Variants in SPATA16 observed in about 807,000 individuals in gnomAD.
SPATA16 encodes spermatogenesis-associated protein 16.
Under a neutral mutation model 63.3 loss-of-function variants are expected in SPATA16, and 36 were observed. That is an observed-to-expected ratio of 0.57 (90% CI 0.44 to 0.75). The LOEUF (loss-of-function observed/expected upper bound fraction) is 0.75, where lower values mean the gene tolerates loss of function less well. SPATA16 is among the 30% of genes least tolerant of loss of function. The probability of loss-of-function intolerance (pLI) is 0.00; values close to 1 mark genes in which losing one functional copy is unlikely to be tolerated. For synonymous variants in SPATA16, 203 were observed against 216.7 expected (o/e 0.94, Z 0.56); for missense variants, 646 against 679.3 (o/e 0.95, Z 0.54).
At chr3:173,043,070 T>C (rs1298558601) in intron 3 of SPATA16, among the ~76,000 whole-genome samples, 1 of 152,122 alleles carries the variant, frequency 6.6e-6, no homozygotes, top group Admixed American at 6.6e-5. Context: ...TTTATATAGA[T>C]AGCATTTAGT....
At chr3:172,930,683 C>T (rs761845309) in intron 6 of SPATA16, among the ~76,000 whole-genome samples, 7 of 151,300 alleles carry the variant, frequency 4.6e-5, no homozygotes, top group Non-Finnish European at 1.0e-4. Flanking sequence ...CTCAGCCTCC[C>T]GAGTAGCTGG....
At chr3:172,996,591 G>A (rs1294630700) in intron 4 of SPATA16, among the ~76,000 whole-genome samples, 3 of 151,922 alleles carry the variant, frequency 2.0e-5, no homozygotes, top group Admixed American at 6.6e-5. Context: ...CAACCTCCCC[G>A]ACTGTCAACA....
At chr3:172,937,983 C>G (rs1014464296) in intron 6 of SPATA16, among the ~76,000 whole-genome samples, 1 of 152,032 alleles carries the variant, frequency 6.6e-6, no homozygotes, top group Non-Finnish European at 1.5e-5. Context: ...GTAAACAGAT[C>G]CCCCTATAAA....
chr3:173,091,567 A>C (rs528555979), intron 2 of SPATA16, among the ~76,000 whole-genome samples: 1 of 152,268 alleles, frequency 6.6e-6, no homozygotes, highest in South Asian at 2.1e-4. Flanking sequence ...TTGTAGCCAA[A>C]AAGTCAACAT....
chr3:172,976,850 C>A (rs1734171100), intron 5 of SPATA16, 118 bp downstream of exon 5: 1 of 801,984 alleles, frequency 1.2e-6, no homozygotes, highest in Non-Finnish European at 2.1e-6. Context: ...TCAGTACCTT[C>A]TTTCTGATTG....
chr3:173,065,178 T>C (rs372795376), intron 2 of SPATA16, among the ~76,000 whole-genome samples: 7 of 152,328 alleles, frequency 4.6e-5, no homozygotes, highest in African/African-American at 1.4e-4. Flanking sequence ...CTGATGCATA[T>C]TGCAGATATT....
intron 6 of SPATA16, among the ~76,000 whole-genome samples, chr3:172,929,395 C>G (rs1732815201): frequency 6.6e-6 from 1 of 152,210 alleles, no homozygotes. Flanking sequence ...GTCAAACTTT[C>G]ACTGAAAGAG....
intron 4 of SPATA16, among the ~76,000 whole-genome samples, chr3:173,018,273 AT>A (rs72021279): frequency 0.072 from 9,867 of 137,542 alleles, 464 homozygotes; most frequent in African/African-American, 0.16. Context: ...CACAATGTCA[AT>A]TTTTTTTTTT....
At chr3:173,130,614 C>T (rs762140296) in intron 1 of SPATA16, among the ~76,000 whole-genome samples, 1 of 152,032 alleles carries the variant, frequency 6.6e-6, no homozygotes, top group Non-Finnish European at 1.5e-5. Flanking sequence ...TATTACAGAA[C>T]CTAGTAGAGA....
At position 173,048,934 on chromosome 3, in the gene SPATA16, A is replaced by G; in HGVS notation, c.758+15T>C. On this transcript the variant is annotated intron_variant, in intron 3 of 10. Coordinates refer to ENST00000351008, the MANE Select transcript of SPATA16 (RefSeq NM_031955.6). ...TGAACAGCATTTACTTGCACTTATT[A>G]GTATATGATTTTACCTGTGTGCATG... 6.2e-7 allele frequency: 1 copy of G among 1,613,472 alleles called. No homozygotes were observed. Among genetic ancestry groups the G allele is most frequent in the Non-Finnish European group, 8.5e-7 (1 of 1,179,476 alleles).
Position 173,029,493 on chromosome 3 carries a change from G to T in SPATA16, c.759-9918C>A, listed in dbSNP as rs1735551142. ...CATAGATCCCAGATGGTGGTGAAAG[G>T]AAGCTCAGGTGACACCTTCACATGC... On this transcript the variant is annotated intron_variant, in intron 3 of 10. Transcript: ENST00000351008. Among the ~76,000 whole-genome samples the T allele has an allele frequency of 2.0e-5, 3 of 150,904 alleles. No individual in the cohort carries two copies. In the South Asian group the frequency reaches 6.3e-4, roughly 31 times the overall value.
At chr3:173,106,113 A>G (rs956450578) in intron 2 of SPATA16, among the ~76,000 whole-genome samples, 3 of 152,200 alleles carry the variant, frequency 2.0e-5, no homozygotes, top group Non-Finnish European at 4.4e-5. Flanking sequence ...CACTGGAGTG[A>G]TAAAGCAAAA....
chr3:172,938,716 G>A (rs184880139), intron 6 of SPATA16, among the ~76,000 whole-genome samples: 2 of 152,194 alleles, frequency 1.3e-5, no homozygotes, highest in East Asian at 3.9e-4. Context: ...TATAGTAATA[G>A]CTTAAAACAA....
chr3:173,107,496 C>G (rs1737648793), intron 2 of SPATA16, among the ~76,000 whole-genome samples: 1 of 149,008 alleles, frequency 6.7e-6, no homozygotes, highest in African/African-American at 2.5e-5. Flanking sequence ...ACATCCTATT[C>G]TCTGATAGAA....
At chr3:172,985,417 G>A (rs1025551572) in intron 4 of SPATA16, among the ~76,000 whole-genome samples, 10 of 152,096 alleles carry the variant, frequency 6.6e-5, no homozygotes, top group African/African-American at 2.4e-4. Context: ...TGGAGTCATG[G>A]CAACATGCAG....
intron 2 of SPATA16, among the ~76,000 whole-genome samples, chr3:173,056,094 T>C (rs1736215249): frequency 6.6e-6 from 1 of 152,138 alleles, no homozygotes; most frequent in Admixed American, 6.5e-5. Flanking sequence ...TAATAAGGAG[T>C]AACAACTCAT....
At chr3:172,969,948 G>T (rs1734010542) in intron 5 of SPATA16, among the ~76,000 whole-genome samples, 1 of 152,192 alleles carries the variant, frequency 6.6e-6, no homozygotes, top group Non-Finnish European at 1.5e-5. Context: ...GAGAGCGAAA[G>T]ATCCGTGAAA....
intron 6 of SPATA16, among the ~76,000 whole-genome samples, chr3:172,942,959 AAGTT>A (rs2109604781): frequency 6.6e-6 from 1 of 152,302 alleles, no homozygotes; most frequent in Non-Finnish European, 1.5e-5. Context: ...TTCATAATGA[AAGTT>A]AGAAAATATT....
chr3:172,999,143 A>G (rs1188662013), intron 4 of SPATA16, among the ~76,000 whole-genome samples: 2 of 152,178 alleles, frequency 1.3e-5, no homozygotes, highest in Non-Finnish European at 2.9e-5. Flanking sequence ...GTTTGTTAGA[A>G]TTAACCAGTG....
Sources: gnomAD v4.1 joint callset for allele counts (sites outside exome capture counted in the v4.1 genomes callset) on GRCh38, gnomAD v4.1.1 for gene constraint, MANE v1.5 for transcripts, NCBI Gene and HGNC (gene_info 2026-07-23, HGNC 2026-07-21) for gene names.